YAF2: variants seen among roughly 807,000 people sequenced by gnomAD.
The protein encoded by YAF2 is YY1 associated factor 2, also known as YY1-associated factor 2.
In YAF2, 7 loss-of-function variants were observed where a neutral mutation model predicts 20.1. The ratio of observed to expected loss-of-function variants is 0.35; its 90% CI spans 0.20 to 0.65. YAF2 has a LOEUF of 0.65. Ranked by LOEUF, YAF2 falls within the 30% of genes least tolerant of loss-of-function variation. The pLI, the probability that YAF2 is intolerant of heterozygous loss-of-function variation, is 0.69. For synonymous variants in YAF2, 74 were observed against 76.0 expected, an observed-to-expected ratio of 0.97 and a Z score of 0.14; for missense variants, 151 against 219.2, an observed-to-expected ratio of 0.69 and a Z score of 1.96.
At position 42,211,225 on chromosome 12, in the gene YAF2, G is replaced by A. The variant is rs186492426; in HGVS notation, c.152+26374C>T. On this transcript the variant is annotated intron_variant, in intron 2 of 3. Transcript: ENST00000534854. ...GCAGATCACCTGAGATCAGGAGTTCGAGACCAACCTGGCCAATATGGCAAA... is the reference window on the plus strand; with the variant it reads ...GCAGATCACCTGAGATCAGGAGTTCAAGACCAACCTGGCCAATATGGCAAA... 1.1e-4 allele frequency among the ~76,000 whole-genome samples: 16 copies of A among 149,946 alleles called. No homozygotes were observed. In the East Asian group the frequency reaches 2.8e-3, roughly 26 times the overall value.
At chr12:42,191,539 C>A (rs537958820) in intron 2 of YAF2, among the ~76,000 whole-genome samples, 4 of 152,158 alleles carry the variant, frequency 2.6e-5, no homozygotes, top group East Asian at 1.9e-4. Context: ...TATCATGGGG[C>A]CTTTATACTT....
intron 2 of YAF2, among the ~76,000 whole-genome samples, chr12:42,219,480 A>T (rs2067452290): frequency 6.6e-6 from 1 of 152,164 alleles, no homozygotes; most frequent in East Asian, 1.9e-4. Context: ...TTTGGACATG[A>T]GAGTTCATTA....
intron 2 of YAF2, among the ~76,000 whole-genome samples, chr12:42,196,602 A>G (rs2066759546): frequency 6.6e-6 from 1 of 152,236 alleles, no homozygotes; most frequent in Admixed American, 6.5e-5. Flanking sequence ...AAAAAGGAAT[A>G]AAGAGGACCA....
At chr12:42,238,099 T>A in intron 1 of YAF2, 56 bp downstream of exon 1, 1 of 1,392,950 alleles carries the variant, frequency 7.2e-7, no homozygotes, top group Non-Finnish European at 9.4e-7. Flanking sequence ...CCCGAAGCCC[T>A]GCACGAGGGC....
At chr12:42,226,751 G>A (rs1207557688) in intron 2 of YAF2, among the ~76,000 whole-genome samples, 2 of 152,224 alleles carry the variant, frequency 1.3e-5, no homozygotes, top group African/African-American at 4.8e-5. Flanking sequence ...CAAACATAGT[G>A]TTCAAAATTA....
At chr12:42,217,609 TA>T (rs1565645137) in intron 2 of YAF2, among the ~76,000 whole-genome samples, 1 of 152,148 alleles carries the variant, frequency 6.6e-6, no homozygotes, top group South Asian at 2.1e-4. Context: ...TCATTATCAT[TA>T]ACTAAGAAAT....
chr12:42,179,682 G>C (rs920213524), intron 2 of YAF2, among the ~76,000 whole-genome samples: 3 of 151,530 alleles, frequency 2.0e-5, no homozygotes, highest in Non-Finnish European at 4.4e-5. Flanking sequence ...TACTTGGGAG[G>C]CTGAGGTGGG....
chr12:42,224,615 A>C (rs2067630997), intron 2 of YAF2, among the ~76,000 whole-genome samples: 1 of 151,402 alleles, frequency 6.6e-6, no homozygotes, highest in Admixed American at 6.6e-5. Context: ...GTTATGAGTG[A>C]GAATACGTGG....
chr12:42,204,485 T>C (rs991271000), intron 2 of YAF2, among the ~76,000 whole-genome samples: 2 of 152,170 alleles, frequency 1.3e-5, no homozygotes, highest in East Asian at 1.9e-4. Flanking sequence ...ATATTAGATA[T>C]TAAAAGTAAT....
At chr12:42,195,533 G>A (rs1370389940) in intron 2 of YAF2, among the ~76,000 whole-genome samples, 1 of 152,162 alleles carries the variant, frequency 6.6e-6, no homozygotes. Context: ...ATGAACAAGA[G>A]TTGAAAGGAT....
intron 2 of YAF2, chr12:42,233,367 C>T (rs1267209821): frequency 2.0e-6 from 2 of 984,954 alleles, no homozygotes; most frequent in African/African-American, 1.7e-5. Flanking sequence ...TAAATATTTG[C>T]TATCTGAATT....
chr12:42,190,333 G>A (rs1041721654), intron 2 of YAF2, among the ~76,000 whole-genome samples: 1 of 152,176 alleles, frequency 6.6e-6, no homozygotes, highest in Non-Finnish European at 1.5e-5. Flanking sequence ...AACAGAGTGA[G>A]TGCAACCGTC....
intron 2 of YAF2, among the ~76,000 whole-genome samples, chr12:42,188,689 A>AT (rs201862365): frequency 1.4e-4 from 21 of 148,906 alleles, no homozygotes; most frequent in Admixed American, 2.7e-4. Context: ...CCCAGTCAGA[A>AT]TTTTTTTTTT....
chr12:42,172,245 T>C (rs1241896915), intron 2 of YAF2: 17 of 152,210 alleles, frequency 1.1e-4, no homozygotes, highest in Admixed American at 1.1e-3. Flanking sequence ...TGAGTTAAAG[T>C]TGCATCATTA....
At chr12:42,204,388 T>A (rs2066982886) in intron 2 of YAF2, among the ~76,000 whole-genome samples, 1 of 152,242 alleles carries the variant, frequency 6.6e-6, no homozygotes, top group Non-Finnish European at 1.5e-5. Context: ...GGGGAAAAGT[T>A]GTGCCTCTAC....
intron 2 of YAF2, among the ~76,000 whole-genome samples, chr12:42,196,377 G>C (rs1351880000): frequency 6.6e-6 from 1 of 152,118 alleles, no homozygotes; most frequent in Admixed American, 6.6e-5. Flanking sequence ...CAGGTTAATG[G>C]AAAGAGGTAA....
Position 42,231,375 on chromosome 12 carries a change from C to T in YAF2, c.152+6224G>A, listed in dbSNP as rs543147874. 14 of 152,230 alleles carry T rather than the reference C, an allele frequency of 9.2e-5. No homozygotes were observed. In the South Asian group the frequency reaches 1.0e-3, roughly 11 times the overall value. 9.4% of individuals were successfully genotyped at this position (152,230 alleles called of 1,614,324 possible). ...ATCTATCTCAGCATTCAATTTGTTG[C>T]AATATGTTGTTTTGGTCCAAAAATA... On this transcript the variant is annotated intron_variant, in intron 2 of 3. Transcript: ENST00000534854.
chr12:42,211,110 T>A (rs2067194838), intron 2 of YAF2, among the ~76,000 whole-genome samples: 1 of 152,130 alleles, frequency 6.6e-6, no homozygotes, highest in Non-Finnish European at 1.5e-5. Context: ...AATGCATCAA[T>A]ACAATTCTCA....
chr12:42,204,890 A>G (rs968512540), intron 2 of YAF2, among the ~76,000 whole-genome samples: 13 of 152,196 alleles, frequency 8.5e-5, no homozygotes, highest in Non-Finnish European at 1.3e-4. Context: ...AATAAAAGGA[A>G]GATTAGTAGA....
Sources: gnomAD v4.1 joint callset for allele counts (sites outside exome capture counted in the v4.1 genomes callset) on GRCh38, gnomAD v4.1.1 for gene constraint, MANE v1.5 for transcripts, NCBI Gene and HGNC (gene_info 2026-07-23, HGNC 2026-07-21) for gene names.